COL22A1: variants seen among roughly 807,000 people sequenced by gnomAD.
COL22A1 encodes collagen alpha-1(XXII) chain.
Under a neutral mutation model 248.9 loss-of-function variants are expected in COL22A1, and 221 were observed. The ratio of observed to expected loss-of-function variants is 0.89; its 90% CI spans 0.80 to 0.99. COL22A1 has a LOEUF of 0.99. COL22A1 is among the 50% of genes least tolerant of loss of function. The probability of loss-of-function intolerance (pLI) is 0.00; values close to 1 mark genes in which losing one functional copy is unlikely to be tolerated. For missense variants in COL22A1, 2,240 were observed against 2,179.0 expected (o/e 1.03, Z -0.56); for synonymous variants, 891 against 793.4 (o/e 1.12, Z -2.07).
intron 64 of COL22A1, 129 bp from the exon 65 acceptor site, chr8:138,589,569 G>A (rs1816863087): frequency 7.1e-6 from 5 of 703,494 alleles, no homozygotes; most frequent in Non-Finnish European, 1.1e-5. Context: ...GCATCCCCAT[G>A]GTCTGGGAGC....
intron 15 of COL22A1, among the ~76,000 whole-genome samples, chr8:138,777,569 C>T (rs1814587877): frequency 6.6e-6 from 1 of 152,138 alleles, no homozygotes; most frequent in East Asian, 1.9e-4. Context: ...CTCCCTGTGT[C>T]CATGTGTTCT....
chr8:138,633,869 C>T (rs183421192), intron 49 of COL22A1, among the ~76,000 whole-genome samples: 3 of 152,290 alleles, frequency 2.0e-5, no homozygotes, highest in East Asian at 1.9e-4. Context: ...ATATCCTTCA[C>T]AAATGTGCAC....
intron 15 of COL22A1, among the ~76,000 whole-genome samples, chr8:138,776,211 G>C (rs1047234189): frequency 6.6e-6 from 1 of 152,170 alleles, no homozygotes; most frequent in Non-Finnish European, 1.5e-5. Context: ...GCAGAGGCAG[G>C]CCACTTCCAG....
In COL22A1 at chr8:138,807,811, C is replaced by A; in HGVS notation, c.1451G>T (p.Gly484Val). The A allele has an allele frequency of 6.2e-7, 1 of 1,613,926 alleles. No individual in the cohort carries two copies. The change falls in exon 10 of 65, where the codon GGT becomes GTT. Residue 484 changes from glycine to valine, a missense_variant and splice_region_variant. Gly to Val is a moderately radical substitution (Grantham distance 109). Transcript: ENST00000303045. The stretch of plus-strand genomic sequence containing the variant: ...CATGGGGCCAGCAACTCCCATTTCA[C>A]CCTAAAAGAAGAAAGACAACAAAAA... ...INCSCPAGEK[G>V]EMGVAGPMGL...
chr8:138,817,755 C>T (rs995182001), intron 7 of COL22A1, among the ~76,000 whole-genome samples: 4 of 152,102 alleles, frequency 2.6e-5, no homozygotes, highest in African/African-American at 7.2e-5. Flanking sequence ...TTCATGATGA[C>T]GCATTTATTG....
At chr8:138,666,016 C>T (rs1824475218) in intron 41 of COL22A1, among the ~76,000 whole-genome samples, 5 of 151,642 alleles carry the variant, frequency 3.3e-5, no homozygotes, top group South Asian at 2.1e-4. Context: ...AGAACCTATG[C>T]AGAGTGGCAA....
At chr8:138,688,886 C>T (rs1194484929) in intron 37 of COL22A1, 31 bp downstream of exon 37, 1 of 1,594,580 alleles carries the variant, frequency 6.3e-7, no homozygotes, top group Admixed American at 1.7e-5. Context: ...AGGATATTCA[C>T]TTGTGTGCTG....
intron 49 of COL22A1, 41 bp downstream of exon 49, chr8:138,634,969 G>A (rs1410861252): frequency 1.5e-6 from 2 of 1,366,638 alleles, no homozygotes; most frequent in Non-Finnish European, 2.1e-6. Context: ...GCATTCAAAT[G>A]TCAAGGCCGA....
At chr8:138,703,236 T>C in intron 31 of COL22A1, 70 bp downstream of exon 31, 1 of 1,348,030 alleles carries the variant, frequency 7.4e-7, no homozygotes. Flanking sequence ...TAGTGGCAGT[T>C]GCTGGAGGGG....
intron 56 of COL22A1, among the ~76,000 whole-genome samples, chr8:138,608,810 C>T (rs1371006095): frequency 6.6e-6 from 1 of 152,098 alleles, no homozygotes; most frequent in African/African-American, 2.4e-5. Flanking sequence ...GGGCACATTC[C>T]CGTTGGCTGC....
chr8:138,881,426 C>T (rs1824197397), intron 2 of COL22A1, among the ~76,000 whole-genome samples: 3 of 152,136 alleles, frequency 2.0e-5, no homozygotes, highest in Admixed American at 2.0e-4. Flanking sequence ...TGGCTCATGC[C>T]TGTAATCCCA....
chr8:138,805,119 G>GTA (rs1030223328), intron 10 of COL22A1, among the ~76,000 whole-genome samples: 1 of 134,036 alleles, frequency 7.5e-6, no homozygotes, highest in Non-Finnish European at 1.6e-5. Context: ...GTGTGATGGT[G>GTA]TATGTATGTG....
At chr8:138,701,772 A>G (rs994889822) in intron 31 of COL22A1, among the ~76,000 whole-genome samples, 17 of 152,250 alleles carry the variant, frequency 1.1e-4, no homozygotes, top group African/African-American at 3.9e-4. Context: ...ATGTCAGGAC[A>G]GAAACTGGCG....
intron 52 of COL22A1, among the ~76,000 whole-genome samples, 181 bp from the exon 53 acceptor site, chr8:138,619,689 C>T (rs1158199236): frequency 6.6e-6 from 1 of 152,106 alleles, no homozygotes; most frequent in Non-Finnish European, 1.5e-5. Flanking sequence ...GTATTCAGGC[C>T]TATTATATTC....
chr8:138,822,372 A>G (rs751605748), intron 6 of COL22A1, among the ~76,000 whole-genome samples: 4 of 152,136 alleles, frequency 2.6e-5, no homozygotes, highest in Admixed American at 1.3e-4. Context: ...AATAATGAAT[A>G]AATGATTATG....
intron 30 of COL22A1, among the ~76,000 whole-genome samples, chr8:138,708,832 C>T (rs1828703007): frequency 6.6e-6 from 1 of 152,122 alleles, no homozygotes; most frequent in Non-Finnish European, 1.5e-5. Flanking sequence ...AAAGAAACTA[C>T]CATTAGAGTG....
chr8:138,611,093 C>G (rs779059108), intron 56 of COL22A1, among the ~76,000 whole-genome samples: 1 of 152,174 alleles, frequency 6.6e-6, no homozygotes, highest in East Asian at 1.9e-4. Flanking sequence ...CGCTTTCCCT[C>G]TTCTGTGCCT....
chr8:138,724,493 G>A, intron 25 of COL22A1, 122 bp downstream of exon 25: 2 of 912,622 alleles, frequency 2.2e-6, no homozygotes, highest in Non-Finnish European at 3.5e-6. Flanking sequence ...TGCAGGCCTT[G>A]CTGGCCAAGG....
At chr8:138,684,515 A>G in intron 38 of COL22A1, 46 bp from the exon 39 acceptor site, 1 of 1,385,980 alleles carries the variant, frequency 7.2e-7, no homozygotes, top group South Asian at 1.2e-5. Flanking sequence ...CTGAGAGTGA[A>G]CACTGACCCA....
Sources: allele counts gnomAD v4.1 joint callset (sites outside exome capture counted in the v4.1 genomes callset), GRCh38; gene constraint gnomAD v4.1.1; transcripts MANE v1.5; gene names NCBI Gene and HGNC (gene_info 2026-07-23, HGNC 2026-07-21).